PPP1R21: variants seen among roughly 807,000 people sequenced by gnomAD.
PPP1R21 encodes the protein protein phosphatase 1 regulatory subunit 21.
In PPP1R21, 85 loss-of-function variants were observed where a neutral mutation model predicts 112.8. The ratio of observed to expected loss-of-function variants is 0.75; its 90% confidence interval spans 0.63 to 0.90. The LOEUF (loss-of-function observed/expected upper bound fraction) is 0.90. Ranked by LOEUF, PPP1R21 falls within the 40% of genes least tolerant of loss-of-function variation. The pLI is 0.00. For synonymous variants in PPP1R21, 381 were observed against 322.3 expected (o/e 1.18, Z -1.95); for missense variants, 1,199 against 901.5 (o/e 1.33, Z -4.23).
intron 17 of PPP1R21, among the ~76,000 whole-genome samples, chr2:48,502,298 C>A (rs1377376057): frequency 6.6e-6 from 1 of 152,120 alleles, no homozygotes; most frequent in East Asian, 1.9e-4. Flanking sequence ...TCATGAGGGT[C>A]ACAGCCAGCA....
chr2:48,473,709 T>G (rs1230848923), intron 11 of PPP1R21, among the ~76,000 whole-genome samples: 2 of 152,200 alleles, frequency 1.3e-5, no homozygotes, highest in East Asian at 3.8e-4. Context: ...ATGGAAATGA[T>G]TATGATTCCT....
chr2:48,499,297 G>A (rs549060778), intron 17 of PPP1R21, among the ~76,000 whole-genome samples: 9 of 152,238 alleles, frequency 5.9e-5, no homozygotes, highest in Admixed American at 5.2e-4. Flanking sequence ...ACTTCCTCAT[G>A]GTGAGGACTA....
chr2:48,456,305 T>C (rs1305747276), intron 3 of PPP1R21, among the ~76,000 whole-genome samples: 1 of 151,814 alleles, frequency 6.6e-6, no homozygotes, highest in African/African-American at 2.4e-5. Context: ...AAGTCTTGTA[T>C]GTATATAGAC....
At chr2:48,451,737 A>G (rs1667474627) in intron 2 of PPP1R21, among the ~76,000 whole-genome samples, 1 of 152,196 alleles carries the variant, frequency 6.6e-6, no homozygotes, top group Admixed American at 6.5e-5. Flanking sequence ...TTTCAGTTAA[A>G]TATACTGTCT....
At chr2:48,454,514 T>A in intron 2 of PPP1R21, 81 bp from the exon 3 acceptor site, 3 of 1,517,120 alleles carry the variant, frequency 2.0e-6, no homozygotes, top group Non-Finnish European at 2.7e-6. Flanking sequence ...TATATTTTGG[T>A]GAAATAGAAA....
At chr2:48,465,044 A>G in intron 8 of PPP1R21, 55 bp downstream of exon 8, 1 of 1,389,716 alleles carries the variant, frequency 7.2e-7, no homozygotes, top group African/African-American at 1.5e-5. Flanking sequence ...CAGACTTTCC[A>G]GAAACAAGAA....
At chr2:48,481,204 G>A (rs986652017) in intron 13 of PPP1R21, among the ~76,000 whole-genome samples, 1 of 152,174 alleles carries the variant, frequency 6.6e-6, no homozygotes, top group African/African-American at 2.4e-5. Context: ...GGCCAGGCTG[G>A]TCTTGAACTC....
intron 16 of PPP1R21, among the ~76,000 whole-genome samples, chr2:48,497,949 C>T (rs933231687): frequency 4.6e-4 from 70 of 151,742 alleles, no homozygotes; most frequent in African/African-American, 1.6e-3. Context: ...CCGTGCCTGG[C>T]CTGCACCAAC....
chr2:48,514,181 G>A (rs1331884864), intron 21 of PPP1R21, among the ~76,000 whole-genome samples: 1 of 145,456 alleles, frequency 6.9e-6, no homozygotes, highest in African/African-American at 2.6e-5. Flanking sequence ...CGCCTCCCGG[G>A]TTCATGCCAT....
chr2:48,491,155 G>C lies in PPP1R21; in HGVS notation c.1584G>C (p.Met528Ile). Reference sequence around the variant, plus strand: ...ATAAGAAAAAAGCTGCTGCCTATATGAAGTCTTTGAGAAAGGTTTGTTAGC... The same window carrying C: ...ATAAGAAAAAAGCTGCTGCCTATATCAAGTCTTTGAGAAAGGTTTGTTAGC... ...LQYKKKAAAY[M>I]KSLRKPLLES... The change falls in exon 15 of 22, where the codon ATG becomes ATC. Residue 528 changes from methionine to isoleucine, a missense_variant. Coordinates refer to ENST00000294952, the MANE Select transcript of PPP1R21 (RefSeq NM_001135629.3). 2 of 1,612,060 alleles carry C rather than the reference G, an allele frequency of 1.2e-6. No individual in the cohort carries two copies. The highest frequency in any genetic ancestry group is 1.7e-6 in the Non-Finnish European group (2 of 1,179,512).
chr2:48,471,003 A>G, intron 9 of PPP1R21, 84 bp from the exon 10 acceptor site: 1 of 939,110 alleles, frequency 1.1e-6, no homozygotes, highest in Non-Finnish European at 1.7e-6. Flanking sequence ...ATTTAGGTTT[A>G]TAATTTGGTG....
At chr2:48,510,404 G>T (rs550605162) in intron 20 of PPP1R21, among the ~76,000 whole-genome samples, 85 of 152,266 alleles carry the variant, frequency 5.6e-4, no homozygotes, top group African/African-American at 1.9e-3. Flanking sequence ...ACCCATCATG[G>T]TGAGCTGTAG....
chr2:48,486,634 T>C lies in PPP1R21; in HGVS notation c.1322T>C (p.Ile441Thr), dbSNP rs977845243. 5 of 1,608,564 alleles carry C rather than the reference T, an allele frequency of 3.1e-6. No homozygotes were observed. The highest frequency in any genetic ancestry group is 4.3e-6 in the Non-Finnish European group (5 of 1,175,408). ...TTTCATGTAATTGCTTTTATAGATA[T>C]TTCCAAACATTATAGTCAAAAAGCT... The part of the protein sequence containing the change: ...LHGFHDVMKD[I>T]SKHYSQKAAI... Residue 441 changes from isoleucine to threonine, a missense_variant, in exon 14 of 22, where the codon ATT becomes ACT. Transcript: ENST00000294952.
chr2:48,454,813 T>A (rs2103774079), intron 3 of PPP1R21, 72 bp downstream of exon 3: 1 of 1,175,816 alleles, frequency 8.5e-7, no homozygotes, highest in Non-Finnish European at 1.3e-6. Flanking sequence ...ATCCTGGTTT[T>A]AACAGAAGAC....
chr2:48,478,265 A>C lies in PPP1R21; in HGVS notation c.1226-1659A>C, dbSNP rs143288711. On this transcript the variant is annotated intron_variant, in intron 12 of 21. Transcript: ENST00000294952. The stretch of plus-strand genomic sequence containing the variant: ...CACCTTGTTTGTGGTACTTCATTAC[A>C]GCAGCACTAGGAAATTAATACAGGG... Among the ~76,000 whole-genome samples the C allele has an allele frequency of 6.6e-5, 10 of 152,372 alleles. No individual in the cohort carries two copies. In the East Asian group the frequency reaches 1.9e-3, roughly 29 times the overall value.
chr2:48,500,393 C>T (rs1670055397), intron 17 of PPP1R21, among the ~76,000 whole-genome samples: 1 of 151,748 alleles, frequency 6.6e-6, no homozygotes, highest in Non-Finnish European at 1.5e-5. Context: ...GTTTACTATA[C>T]TTTTTACCGC....
chr2:48,503,479 A>G (rs1448237316), intron 17 of PPP1R21, among the ~76,000 whole-genome samples: 2 of 152,190 alleles, frequency 1.3e-5, no homozygotes, highest in African/African-American at 4.8e-5. Flanking sequence ...TTATTTCTGC[A>G]TGTTAAATGA....
At position 48,498,428 on chromosome 2, in the gene PPP1R21, G is replaced by C. The variant is rs79934795; in HGVS notation, c.1693-65G>C. 5.1e-4 allele frequency: 800 copies of C among 1,560,180 alleles called. 3 individuals are homozygous for C. The African/African-American group carries it at 9.9e-3, about 19-fold the overall frequency. On this transcript the variant is annotated intron_variant, in intron 16 of 21. Transcript: ENST00000294952. ...GTTTTGGTTTACATTCTGTAAGATA[G>C]TTTTTGGGCCACTAAGGTTTATCTG...
intron 3 of PPP1R21, among the ~76,000 whole-genome samples, chr2:48,456,443 G>C (rs1667729155): frequency 6.6e-6 from 1 of 152,146 alleles, no homozygotes; most frequent in African/African-American, 2.4e-5. Flanking sequence ...TTTAAGCCCA[G>C]GCTTGAATTC....
Sources: allele counts gnomAD v4.1 joint callset (sites outside exome capture counted in the v4.1 genomes callset), GRCh38; gene constraint gnomAD v4.1.1; transcripts MANE v1.5; gene names NCBI Gene and HGNC (gene_info 2026-07-23, HGNC 2026-07-21).